The following CAST variants were observed in gnomAD, a reference collection of about 807,000 sequenced individuals.
The protein encoded by CAST is MIR583 host.
CAST carries 76 observed loss-of-function variants against 119.6 expected under a neutral mutation model. That is an observed-to-expected ratio of 0.64 (90% CI 0.53 to 0.77). The LOEUF (loss-of-function observed/expected upper bound fraction) is 0.77, where lower values mean the gene tolerates loss of function less well. Among genes scored for constraint, CAST ranks in the 30% least tolerant of loss-of-function variants. The pLI is 0.00. For synonymous variants in CAST, 319 were observed against 331.6 expected (o/e 0.96, Z 0.41); for missense variants, 953 against 946.5 (o/e 1.01, Z -0.09).
the CAST span, among the ~76,000 whole-genome samples, chr5:96,497,648 A>G: frequency 6.6e-4 from 91 of 137,516 alleles, no homozygotes; most frequent in Middle Eastern, 3.6e-3. Context: ...TTTTGGCTGC[A>G]TAAATGTCTT....
the CAST span, among the ~76,000 whole-genome samples, chr5:96,495,436 A>C: frequency 6.6e-6 from 1 of 151,992 alleles, no homozygotes; most frequent in African/African-American, 2.4e-5. Context: ...ACTCCCCAAT[A>C]GGCCCTGATG....
At chr5:96,095,221 G>A in the CAST span, among the ~76,000 whole-genome samples, 320 of 152,176 alleles carry the variant, frequency 2.1e-3, 1 homozygote, top group African/African-American at 7.3e-3. Context: ...GTGGTTTGCT[G>A]TTTTGTTTTT....
the CAST span, among the ~76,000 whole-genome samples, chr5:96,342,849 A>G: frequency 6.6e-6 from 1 of 152,184 alleles, no homozygotes. Context: ...GTACTTGTTC[A>G]TAGTATCATT....
chr5:96,747,707 C>T (rs955420375), intron 18 of CAST, among the ~76,000 whole-genome samples: 1 of 152,180 alleles, frequency 6.6e-6, no homozygotes, highest in Non-Finnish European at 1.5e-5. Context: ...TGATCAAATT[C>T]TCTAATGATT....
chr5:96,715,017 C>G (rs1372818080), intron 3 of CAST: 3 of 152,058 alleles, frequency 2.0e-5, no homozygotes, highest in African/African-American at 7.3e-5. Context: ...TCAGCTGTGA[C>G]TATTGTCACA....
chr5:96,490,539 G>A, the CAST span, among the ~76,000 whole-genome samples: 1 of 152,122 alleles, frequency 6.6e-6, no homozygotes, highest in South Asian at 2.1e-4. Context: ...CAACAGTGTA[G>A]TATTGGCATA....
At chr5:96,198,479 G>C in the CAST span, among the ~76,000 whole-genome samples, 77 of 152,060 alleles carry the variant, frequency 5.1e-4, no homozygotes, top group African/African-American at 1.8e-3. Context: ...CGCTCCCCAA[G>C]CTGTGGGGAC....
At chr5:96,174,084 A>G in the CAST span, among the ~76,000 whole-genome samples, 1 of 152,094 alleles carries the variant, frequency 6.6e-6, no homozygotes, top group African/African-American at 2.4e-5. Flanking sequence ...GTGACACATG[A>G]GTCTTGAACC....
At chr5:96,035,217 G>GTATA in the CAST span, among the ~76,000 whole-genome samples, 141 of 143,858 alleles carry the variant, frequency 9.8e-4, no homozygotes, top group Non-Finnish European at 1.3e-3. Context: ...ATATATTTAA[G>GTATA]TATATATATA....
At chr5:96,237,895 T>C in the CAST span, among the ~76,000 whole-genome samples, 3 of 152,128 alleles carry the variant, frequency 2.0e-5, no homozygotes, top group Admixed American at 2.0e-4. Flanking sequence ...AGATTTTAAC[T>C]TTTAATTCCT....
intron 3 of CAST, among the ~76,000 whole-genome samples, chr5:96,705,593 G>A (rs1754797379): frequency 6.6e-6 from 1 of 152,032 alleles, no homozygotes; most frequent in Non-Finnish European, 1.5e-5. Flanking sequence ...TGGATTATTA[G>A]AAGGTGACTG....
the CAST span, among the ~76,000 whole-genome samples, chr5:96,189,392 C>A: frequency 0.038 from 5,720 of 152,202 alleles, 379 homozygotes; most frequent in African/African-American, 0.13. Context: ...AAACTTTCCC[C>A]TCAGAGCACT....
intron 1 of CAST, among the ~76,000 whole-genome samples, chr5:96,618,763 G>C (rs1470558092): frequency 6.6e-6 from 1 of 152,192 alleles, no homozygotes; most frequent in East Asian, 1.9e-4. Context: ...GCAGGGCTCG[G>C]GACCTGCAGT....
intron 1 of CAST, among the ~76,000 whole-genome samples, chr5:96,587,478 G>A (rs181782789): frequency 5.1e-4 from 78 of 152,292 alleles, no homozygotes; most frequent in South Asian, 2.1e-3. Context: ...TGCTACTTAC[G>A]TTAAGTAGGC....
chr5:96,174,947 C>A, the CAST span, among the ~76,000 whole-genome samples: 8 of 151,990 alleles, frequency 5.3e-5, no homozygotes, highest in African/African-American at 1.7e-4. Context: ...TTTATCTAGG[C>A]AAACTGATAT....
chr5:96,621,511 G>A (rs1747602823), intron 1 of CAST, among the ~76,000 whole-genome samples: 1 of 152,150 alleles, frequency 6.6e-6, no homozygotes, highest in East Asian at 1.9e-4. Flanking sequence ...GTCTCATATC[G>A]CAGCAGGAGA....
intron 1 of CAST, among the ~76,000 whole-genome samples, chr5:96,641,197 A>G (rs1166927127): frequency 6.6e-6 from 1 of 152,170 alleles, no homozygotes. Context: ...ACGACTTTGC[A>G]ACTGTGAATT....
chr5:96,098,047 C>T, the CAST span, among the ~76,000 whole-genome samples: 3 of 152,054 alleles, frequency 2.0e-5, no homozygotes, highest in African/African-American at 7.2e-5. Context: ...ATGGTATCTC[C>T]TTGTGGTTTT....
chr5:96,225,662 A>C, the CAST span, among the ~76,000 whole-genome samples: 1 of 152,114 alleles, frequency 6.6e-6, no homozygotes, highest in African/African-American at 2.4e-5. Context: ...ATTTTTCTCT[A>C]TCTGAGATGA....
Sources: allele counts gnomAD v4.1 joint callset (sites outside exome capture counted in the v4.1 genomes callset), GRCh38; gene constraint gnomAD v4.1.1; transcripts MANE v1.5; gene names NCBI Gene and HGNC (gene_info 2026-07-23, HGNC 2026-07-21).